The following ZNF318 variants were observed in gnomAD, a reference collection of about 807,000 sequenced individuals.
ZNF318 encodes endocrine regulator.
ZNF318 carries 51 observed loss-of-function variants against 124.2 expected under a neutral mutation model. The ratio of observed to expected loss-of-function variants is 0.41; its 90% CI spans 0.33 to 0.52. ZNF318 has a LOEUF of 0.52. Among genes scored for constraint, ZNF318 ranks in the 20% least tolerant of loss-of-function variants. The pLI, the probability that ZNF318 is intolerant of heterozygous loss-of-function variation, is 0.23. For synonymous variants in ZNF318, 1,090 were observed against 1,040.7 expected, an observed-to-expected ratio of 1.05 and a Z score of -0.91; for missense variants, 2,815 against 2,811.2, an observed-to-expected ratio of 1.00 and a Z score of -0.03.
At chr6:43,365,233 C>A in intron 2 of ZNF318, 59 bp downstream of exon 2, 1 of 1,552,038 alleles carries the variant, frequency 6.4e-7, no homozygotes, top group Non-Finnish European at 8.8e-7. Flanking sequence ...ATTCGGAAAA[C>A]AGCAACATTT....
At chr6:43,342,247 A>C (rs755719390) in intron 7 of ZNF318, 36 bp from the exon 8 acceptor site, 1 of 1,518,816 alleles carries the variant, frequency 6.6e-7, no homozygotes, top group Non-Finnish European at 9.0e-7. Context: ...ACACAACAGC[A>C]CTAAAAGCTC....
chr6:43,348,777 T>C, intron 5 of ZNF318, 152 bp from the exon 6 acceptor site: 2 of 893,770 alleles, frequency 2.2e-6, no homozygotes, highest in East Asian at 5.3e-5. Context: ...CTCATGCCTG[T>C]AATTCCAGCA....
intron 6 of ZNF318, among the ~76,000 whole-genome samples, chr6:43,344,280 A>C (rs1779410467): frequency 6.6e-6 from 1 of 152,226 alleles, no homozygotes; most frequent in African/African-American, 2.4e-5. Context: ...TCTAGAAGAT[A>C]ATCTAGGAAT....
chr6:43,338,933 T>C lies in ZNF318; in HGVS notation c.5065A>G (p.Ile1689Val), dbSNP rs201671135. The C allele has an allele frequency of 6.1e-5, 98 of 1,614,156 alleles. No individual in the cohort carries two copies. The highest frequency in any genetic ancestry group is 1.2e-4 in the Admixed American group (7 of 60,030). Residue 1689 changes from isoleucine (I) to valine (V), a missense_variant, in exon 10 of 10, where the codon ATT becomes GTT. Ile to Val is a conservative substitution (Grantham distance 29, BLOSUM62 3). Coordinates refer to ENST00000361428, the MANE Select transcript of ZNF318 (RefSeq NM_014345.3). ...RLCQSRPYETITPKTDTLAIW... is the reference protein window; with the variant it reads ...RLCQSRPYETVTPKTDTLAIW... Reference sequence around the variant, plus strand: ...GCCAAAGTGTCTGTCTTTGGGGTAATTGTTTCATAAGGCCTGCTTTGGCAC... The same window carrying C: ...GCCAAAGTGTCTGTCTTTGGGGTAACTGTTTCATAAGGCCTGCTTTGGCAC...
intron 1 of ZNF318, 45 bp downstream of exon 1, chr6:43,368,922 G>T: frequency 7.6e-7 from 1 of 1,312,968 alleles, no homozygotes; most frequent in South Asian, 1.9e-5. Context: ...TTCCGGGGGA[G>T]GGGACTGGGG....
chr6:43,355,907 T>C lies in ZNF318; in HGVS notation c.1427A>G (p.His476Arg), dbSNP rs1267059226. ...AGCCTTCAAATCCAAATTATCCTTG[T>C]GGCATAGAAAACTTCCAAATTTTTC... ...LREKFGSFLC[H>R]KDNLDLKAEG... The change falls in exon 4 of 10, where the codon CAC (histidine) becomes CGC (arginine). Residue 476 changes from histidine (H) to arginine (R), a missense_variant. Transcript: ENST00000361428. 13 of 1,614,092 alleles carry C rather than the reference T, an allele frequency of 8.1e-6. No homozygotes were observed. Among genetic ancestry groups the C allele is most frequent in the Non-Finnish European group, 9.3e-6 (11 of 1,180,040 alleles).
chr6:43,346,547 C>CAAAAAAAAAAA, intron 6 of ZNF318, among the ~76,000 whole-genome samples: 1 of 140,152 alleles, frequency 7.1e-6, no homozygotes, highest in Non-Finnish European at 1.5e-5. Flanking sequence ...AAAAAAAAAG[C>CAAAAAAAAAAA]AGCTCTCATT....
chr6:43,363,042 G>C (rs924633870), intron 2 of ZNF318, among the ~76,000 whole-genome samples: 1 of 152,148 alleles, frequency 6.6e-6, no homozygotes, highest in Non-Finnish European at 1.5e-5. Flanking sequence ...CTCTAAAGTA[G>C]ACCTGTGCCT....
chr6:43,355,161 G>A lies in ZNF318; in HGVS notation c.2173C>T (p.Pro725Ser). 1 of 1,614,210 alleles carries A rather than the reference G, an allele frequency of 6.2e-7. No individual in the cohort carries two copies. Among genetic ancestry groups the A allele is most frequent in the Non-Finnish European group, 8.5e-7 (1 of 1,180,040 alleles). ...TGAAACCCACTACCAACCACCTCTG[G>A]TCCTGAAATATGACCCACTGGATGG... ...SDHPVGHISG[P>S]EVVGSGFQSS... Residue 725 changes from proline (P) to serine (S), a missense_variant, in exon 4 of 10, where the codon CCA becomes TCA. Around this residue, in one of 4 missense-constraint regions of ZNF318, gnomAD observed 1,377 missense variants for 1,353.5 expected, o/e 1.02. Coordinates refer to ENST00000361428, the MANE Select transcript of ZNF318 (RefSeq NM_014345.3).
intron 1 of ZNF318, among the ~76,000 whole-genome samples, chr6:43,367,396 G>A (rs550195414): frequency 6.6e-6 from 1 of 152,304 alleles, no homozygotes; most frequent in East Asian, 1.9e-4. Context: ...TTTGATTTCT[G>A]TGTAACCTCC....
intron 1 of ZNF318, 142 bp from the exon 2 acceptor site, chr6:43,365,582 AG>A: frequency 1.4e-6 from 1 of 727,282 alleles, no homozygotes; most frequent in East Asian, 2.9e-5. Flanking sequence ...TGAGGTGTAT[AG>A]GCCCAGGCAA....
Position 43,337,340 on chromosome 6 carries a change from C to T in ZNF318, c.6658G>A (p.Val2220Met). Residue 2220 changes from valine (V) to methionine (M), a missense_variant, in exon 10 of 10, where the codon GTG becomes ATG. Val to Met is a conservative substitution (Grantham distance 21). Coordinates refer to ENST00000361428, the MANE Select transcript of ZNF318 (RefSeq NM_014345.3). ...TCATCATCTACTTGCAGAATTGCCA[C>T]CTCTGTGGTGGATGCATTCGATATT... The part of the protein sequence containing the change: ...LEISNASTTE[V>M]AILQVDDDSG... 1 of 1,614,168 alleles carries T rather than the reference C, an allele frequency of 6.2e-7. No homozygotes were observed. The highest frequency in any genetic ancestry group is 2.2e-5 in the East Asian group (1 of 44,884).
intron 5 of ZNF318, among the ~76,000 whole-genome samples, chr6:43,351,303 G>A (rs540886803): frequency 6.6e-6 from 1 of 152,272 alleles, no homozygotes; most frequent in Admixed American, 6.5e-5. Flanking sequence ...GCATTAACGG[G>A]ACAATGTGAA....
rs1189056248 is a variant in ZNF318, at chr6:43,339,126, T to C, written c.4872A>G (p.Gln1624=). Reference sequence around the variant, plus strand: ...AACCCTCATCTTGATGCAACTCCTCTTGGGATGCACTGCTGTTCAAAGGAG... The same window carrying C: ...AACCCTCATCTTGATGCAACTCCTCCTGGGATGCACTGCTGTTCAAAGGAG... ...STSPLNSSAS[Q]EELHQDEGLV... The change falls in exon 10 of 10, where the codon CAA becomes CAG. Residue 1624 remains glutamine, a synonymous_variant. Coordinates refer to ENST00000361428, the MANE Select transcript of ZNF318 (RefSeq NM_014345.3). This position sits in a 1 kb window ranked among gnomAD's most constrained non-coding sequence, Gnocchi z 4.2. The C allele has an allele frequency of 6.2e-7, 1 of 1,614,074 alleles. No individual in the cohort carries two copies. The highest frequency in any genetic ancestry group is 1.7e-5 in the Admixed American group (1 of 59,990).
Position 43,352,262 on chromosome 6 carries a change from C to T in ZNF318, c.2770+115G>A, listed in dbSNP as rs145433202. 4.3e-5 allele frequency: 34 copies of T among 781,680 alleles called. No individual in the cohort carries two copies. The East Asian group carries it at 4.6e-4, about 11-fold the overall frequency. The allele number at this position is 781,680 out of a possible 1,614,324, so 48.4% of individuals were successfully genotyped here. A position where few individuals can be genotyped will look rare whatever the true frequency, so the allele number is the denominator to read the frequency against. On this transcript the variant is annotated intron_variant, in intron 5 of 9. Coordinates refer to ENST00000361428, the MANE Select transcript of ZNF318 (RefSeq NM_014345.3). Reference sequence around the variant, plus strand: ...TGCAACTTTTTTGTAAGTTTAATTACGTCAAAAAAAAATTTTTAATGAAGT... The same window carrying T: ...TGCAACTTTTTTGTAAGTTTAATTATGTCAAAAAAAAATTTTTAATGAAGT...
At chr6:43,360,033 A>G (rs1217522940) in intron 2 of ZNF318, among the ~76,000 whole-genome samples, 1 of 152,184 alleles carries the variant, frequency 6.6e-6, no homozygotes. Context: ...TACCATACAA[A>G]AAGTCTCTGA....
At position 43,348,451 on chromosome 6, in the gene ZNF318, A is replaced by G; in HGVS notation, c.2945T>C (p.Ile982Thr). 1 of 1,614,110 alleles carries G rather than the reference A, an allele frequency of 6.2e-7. No homozygotes were observed. The highest frequency in any genetic ancestry group is 8.5e-7 in the Non-Finnish European group (1 of 1,180,020). The change falls in exon 6 of 10, where the codon ATT becomes ACT. Residue 982 changes from isoleucine to threonine, a missense_variant. Ile to Thr is a moderately conservative substitution (Grantham distance 89). Around this residue, in one of 4 missense-constraint regions of ZNF318, gnomAD observed 1,377 missense variants for 1,353.5 expected, o/e 1.02. Coordinates refer to ENST00000361428, the MANE Select transcript of ZNF318 (RefSeq NM_014345.3). Reference protein sequence around the residue: ...ELDKVAQILGINIFDKSQKSL... With the variant: ...ELDKVAQILGTNIFDKSQKSL... ...CTTCTGGGATTTATCGAAGATGTTA[A>G]TTCCCAAGATCTGAGCCACTTTGTC... is the stretch of plus-strand genomic sequence containing the variant.
At chr6:43,368,502 T>C (rs909317076) in intron 1 of ZNF318, among the ~76,000 whole-genome samples, 1 of 152,252 alleles carries the variant, frequency 6.6e-6, no homozygotes, top group African/African-American at 2.4e-5. Context: ...GTTTACACTC[T>C]AGACGTAAAG....
chr6:43,341,546 A>G (rs1779373484), intron 8 of ZNF318, among the ~76,000 whole-genome samples: 1 of 151,100 alleles, frequency 6.6e-6, no homozygotes, highest in South Asian at 2.1e-4. Context: ...GCTACTTGGG[A>G]GGCTGAGGCA....
Sources: gnomAD v4.1 joint callset for allele counts (sites outside exome capture counted in the v4.1 genomes callset) on GRCh38, gnomAD v4.1.1 for gene constraint, gnomAD v4.1.1 regional missense constraint, Gnocchi (gnomAD v3.1) non-coding constraint, MANE v1.5 for transcripts, NCBI Gene and HGNC (gene_info 2026-07-23, HGNC 2026-07-21) for gene names.